EPHA4: variants seen among roughly 807,000 people sequenced by gnomAD.
EPHA4 encodes the protein EPH receptor A4.
In EPHA4, 19 loss-of-function variants were observed where a neutral mutation model predicts 108.3. That is an observed-to-expected ratio of 0.18 (90% CI 0.12 to 0.26). The LOEUF is 0.26. Ranked by LOEUF, EPHA4 falls within the 10% of genes least tolerant of loss-of-function variation. The pLI is 1.00. For synonymous variants in EPHA4, 449 were observed against 455.5 expected (o/e 0.99, Z 0.18); for missense variants, 917 against 1,254.0 (o/e 0.73, Z 4.06).
Position 221,430,169 on chromosome 2 carries a change from A to C in EPHA4, c.2497-18T>G. The C allele has an allele frequency of 6.3e-7, 1 of 1,583,704 alleles. No homozygotes were observed. Among genetic ancestry groups the C allele is most frequent in the Non-Finnish European group, 8.6e-7 (1 of 1,166,802 alleles). On this transcript the variant is annotated intron_variant, in intron 14 of 17. Coordinates refer to ENST00000281821, the MANE Select transcript of EPHA4 (RefSeq NM_004438.5). ...TTAATCACCTATGGAAGACAACAGG[A>C]TGGTATGTTAAGCTGCCAGGCAAGC...
chr2:221,480,567 G>A (rs1691789655), intron 5 of EPHA4, among the ~76,000 whole-genome samples: 1 of 152,134 alleles, frequency 6.6e-6, no homozygotes, highest in Admixed American at 6.5e-5. Flanking sequence ...CAATCACAGA[G>A]TACTCATGTT....
intron 2 of EPHA4, among the ~76,000 whole-genome samples, chr2:221,566,782 A>G (rs1372012996): frequency 6.7e-6 from 1 of 148,882 alleles, no homozygotes; most frequent in Non-Finnish European, 1.5e-5. Context: ...GGAGAAGAAG[A>G]AGAAGGAGAA....
chr2:221,454,936 T>C (rs1385581490), intron 8 of EPHA4, among the ~76,000 whole-genome samples: 1 of 152,172 alleles, frequency 6.6e-6, no homozygotes, highest in Non-Finnish European at 1.5e-5. Context: ...ATCCCTTGAT[T>C]GTCTGGAAAT....
chr2:221,563,607 C>G, intron 3 of EPHA4, 124 bp downstream of exon 3: 1 of 1,128,522 alleles, frequency 8.9e-7, no homozygotes. Context: ...ACTCATTAGA[C>G]CCCTGTGTCC....
At chr2:221,449,923 C>G (rs1690727539) in intron 8 of EPHA4, among the ~76,000 whole-genome samples, 1 of 152,216 alleles carries the variant, frequency 6.6e-6, no homozygotes, top group African/African-American at 2.4e-5. Flanking sequence ...AACGGCATCA[C>G]CCATGAAGAT....
At chr2:221,503,330 A>G (rs1449196445) in intron 3 of EPHA4, among the ~76,000 whole-genome samples, 1 of 152,254 alleles carries the variant, frequency 6.6e-6, no homozygotes, top group African/African-American at 2.4e-5. Flanking sequence ...CGACAAGGAC[A>G]AGAAACTGTC....
chr2:221,548,223 G>A (rs756318514), intron 3 of EPHA4, among the ~76,000 whole-genome samples: 6 of 152,288 alleles, frequency 3.9e-5, no homozygotes, highest in African/African-American at 1.2e-4. Context: ...CAGGCGTGGC[G>A]CCGCATGCCT....
chr2:221,426,181 CAG>C, intron 16 of EPHA4, 39 bp from the exon 17 acceptor site: 1 of 1,554,308 alleles, frequency 6.4e-7, no homozygotes, highest in Non-Finnish European at 8.9e-7. Flanking sequence ...GAAGAAGTCA[CAG>C]GGACTGACAA....
chr2:221,470,338 G>A (rs1288075835), intron 5 of EPHA4, among the ~76,000 whole-genome samples: 1 of 151,216 alleles, frequency 6.6e-6, no homozygotes, highest in African/African-American at 2.4e-5. Context: ...AAAGGGCGGG[G>A]GGGAGAGAGA....
chr2:221,437,001 C>A (rs920176340), intron 12 of EPHA4, 60 bp downstream of exon 12: 9 of 1,255,780 alleles, frequency 7.2e-6, no homozygotes, highest in Non-Finnish European at 1.0e-5. Flanking sequence ...AACACAAGGA[C>A]TCTGTTAGGA....
rs1330990969 is a variant in EPHA4 at position 221,482,495 on chromosome 2, C to T, written c.1175G>A (p.Gly392Asp). ...SGVHYTPQQN[G>D]LKTTKVSITD... ...GATGGAGACTTTGGTGGTCTTCAAG[C>T]CATTCTGCTGTGGGGTGTAGTGGAC... Residue 392 changes from glycine (G) to aspartate (D), a missense_variant, in exon 5 of 18, where the codon GGC (glycine) becomes GAC (aspartate). Coordinates refer to ENST00000281821, the MANE Select transcript of EPHA4 (RefSeq NM_004438.5). The T allele has an allele frequency of 1.9e-6, 3 of 1,614,030 alleles. No homozygotes were observed. The highest frequency in any genetic ancestry group is 2.5e-6 in the Non-Finnish European group (3 of 1,179,972).
At chr2:221,550,585 A>G (rs1694129874) in intron 3 of EPHA4, among the ~76,000 whole-genome samples, 1 of 152,160 alleles carries the variant, frequency 6.6e-6, no homozygotes, top group Admixed American at 6.5e-5. Context: ...TTTAACACTA[A>G]GTATACCCAT....
chr2:221,516,006 A>C (rs969138962), intron 3 of EPHA4, among the ~76,000 whole-genome samples: 16 of 152,126 alleles, frequency 1.1e-4, no homozygotes, highest in East Asian at 3.9e-4. Context: ...CCCCAGGAAA[A>C]GAAAGAAAAA....
intron 8 of EPHA4, among the ~76,000 whole-genome samples, chr2:221,448,553 C>A (rs1280509044): frequency 2.0e-5 from 3 of 152,118 alleles, no homozygotes; most frequent in Non-Finnish European, 4.4e-5. Flanking sequence ...CTCCCTCCAC[C>A]CCCGTCCTTT....
intron 8 of EPHA4, among the ~76,000 whole-genome samples, chr2:221,454,646 C>G (rs7582079): frequency 6.6e-5 from 10 of 152,148 alleles, no homozygotes; most frequent in African/African-American, 2.2e-4. Context: ...TCTTACACAT[C>G]AAAGACAAAG....
At chr2:221,431,712 G>T (rs976958798) in intron 14 of EPHA4, among the ~76,000 whole-genome samples, 1 of 152,174 alleles carries the variant, frequency 6.6e-6, no homozygotes, top group Admixed American at 6.5e-5. Context: ...ACACTGGGCT[G>T]ATGCCAGCGG....
At chr2:221,461,651 T>A (rs550970734) in intron 5 of EPHA4, among the ~76,000 whole-genome samples, 131 of 152,232 alleles carry the variant, frequency 8.6e-4, no homozygotes, top group African/African-American at 3.0e-3. Context: ...AGAGGGGGAA[T>A]GGGTAAGCAT....
At chr2:221,451,180 T>C (rs879702798) in intron 8 of EPHA4, among the ~76,000 whole-genome samples, 12 of 152,252 alleles carry the variant, frequency 7.9e-5, no homozygotes, top group Middle Eastern at 3.4e-3. Context: ...AGTTATTGCA[T>C]GCCAGCCTGG....
In EPHA4 at chr2:221,418,045, C is replaced by T. The variant is rs3177117; in HGVS notation, c.*3327G>A. 0.46 allele frequency: 69,355 copies of T among 152,420 alleles called. 16,285 individuals carry two copies. The highest frequency in any genetic ancestry group is 0.56 in the African/African-American group (23,012 of 41,456). 9.4% of individuals were successfully genotyped at this position (152,420 alleles called of 1,614,324 possible). On this transcript the variant is annotated 3_prime_UTR_variant, in exon 18 of 18. Coordinates refer to ENST00000281821, the MANE Select transcript of EPHA4 (RefSeq NM_004438.5). ...AACCAGATTGCAGGGTTGTATACGG[C>T]AACTACTTTATTATTTTCAAATGCA...
Sources: allele counts gnomAD v4.1 joint callset (sites outside exome capture counted in the v4.1 genomes callset), GRCh38; gene constraint gnomAD v4.1.1; transcripts MANE v1.5; gene names NCBI Gene and HGNC (gene_info 2026-07-23, HGNC 2026-07-21).